The following ABI1 variants were observed in gnomAD, a reference collection of about 807,000 sequenced individuals.
ABI1 encodes the protein Abelson interactor 1.
Under a neutral mutation model 54.6 loss-of-function variants are expected in ABI1, and 14 were observed. The ratio of observed to expected loss-of-function variants is 0.26; its 90% CI spans 0.17 to 0.40. The LOEUF is 0.40. Among genes scored for constraint, ABI1 ranks in the 10% least tolerant of loss-of-function variants. The pLI is 1.00. For synonymous variants in ABI1, 194 were observed against 209.3 expected (o/e 0.93, Z 0.63); for missense variants, 443 against 598.3 (o/e 0.74, Z 2.71).
intron 2 of ABI1, among the ~76,000 whole-genome samples, chr10:26,806,432 C>A (rs1025000521): frequency 6.6e-6 from 1 of 152,136 alleles, no homozygotes; most frequent in Non-Finnish European, 1.5e-5. Context: ...TGGATGTTTA[C>A]AGGCAACCGC....
intron 3 of ABI1, 115 bp from the exon 4 acceptor site, chr10:26,771,204 C>A: frequency 1.8e-6 from 2 of 1,133,002 alleles, no homozygotes; most frequent in South Asian, 1.3e-5. Context: ...AAGCTTTTTT[C>A]CAGCCATGTT....
chr10:26,770,366 C>T (rs777363536), intron 4 of ABI1, 21 bp from the exon 5 acceptor site: 9 of 1,598,986 alleles, frequency 5.6e-6, no homozygotes, highest in Admixed American at 3.3e-5. Context: ...GAAAGAAATG[C>T]TTTTATTTTT....
intron 3 of ABI1, among the ~76,000 whole-genome samples, chr10:26,773,885 A>G (rs1292027264): frequency 1.3e-5 from 2 of 152,168 alleles, no homozygotes; most frequent in African/African-American, 4.8e-5. Context: ...ACTGTAAACT[A>G]AAACTCCAAA....
intron 2 of ABI1, among the ~76,000 whole-genome samples, chr10:26,789,944 T>C (rs1843201624): frequency 6.6e-6 from 1 of 152,236 alleles, no homozygotes; most frequent in Non-Finnish European, 1.5e-5. Context: ...TCCATGTCCC[T>C]GCAAAAGACA....
chr10:26,805,558 C>T (rs1588931228), intron 2 of ABI1, among the ~76,000 whole-genome samples: 1 of 152,170 alleles, frequency 6.6e-6, no homozygotes, highest in South Asian at 2.1e-4. Flanking sequence ...GCTTCCTTAA[C>T]CCCACAAATA....
intron 1 of ABI1, among the ~76,000 whole-genome samples, chr10:26,847,000 G>C (rs1385490604): frequency 6.7e-6 from 1 of 150,244 alleles, no homozygotes; most frequent in Non-Finnish European, 1.5e-5. Flanking sequence ...TATAGTTTGA[G>C]TTATTTGATT....
At chr10:26,795,138 T>C (rs1450384005) in intron 2 of ABI1, among the ~76,000 whole-genome samples, 2 of 134,964 alleles carry the variant, frequency 1.5e-5, no homozygotes, top group Non-Finnish European at 3.1e-5. Flanking sequence ...AGCGAGACTG[T>C]CTCAAAAAAA....
intron 1 of ABI1, among the ~76,000 whole-genome samples, chr10:26,826,397 T>C (rs1455686098): frequency 6.6e-6 from 1 of 152,208 alleles, no homozygotes; most frequent in East Asian, 1.9e-4. Context: ...AGATATGCTG[T>C]CATCCAGGCT....
intron 2 of ABI1, among the ~76,000 whole-genome samples, chr10:26,810,790 G>C (rs1325714568): frequency 6.6e-6 from 1 of 151,628 alleles, no homozygotes; most frequent in Non-Finnish European, 1.5e-5. Context: ...CTAATAGTCT[G>C]GGAGAGTTTA....
At chr10:26,771,319 A>C (rs1300237589) in intron 3 of ABI1, among the ~76,000 whole-genome samples, 1 of 152,182 alleles carries the variant, frequency 6.6e-6, no homozygotes, top group Non-Finnish European at 1.5e-5. Flanking sequence ...CCACCACTTA[A>C]TTATTCCAAT....
chr10:26,800,491 A>G (rs1027491236), intron 2 of ABI1, among the ~76,000 whole-genome samples: 1 of 152,196 alleles, frequency 6.6e-6, no homozygotes, highest in Non-Finnish European at 1.5e-5. Flanking sequence ...CAAAGTATCA[A>G]GGTCAGCCGC....
At chr10:26,846,467 T>C (rs543970921) in intron 1 of ABI1, among the ~76,000 whole-genome samples, 21 of 151,888 alleles carry the variant, frequency 1.4e-4, no homozygotes, top group African/African-American at 5.1e-4. Flanking sequence ...CTCAGCCTCC[T>C]GAGTGGCTGG....
chr10:26,754,230 GC>G (rs1837987303), intron 9 of ABI1, among the ~76,000 whole-genome samples: 1 of 152,132 alleles, frequency 6.6e-6, no homozygotes, highest in African/African-American at 2.4e-5. Flanking sequence ...GCTCACTGCA[GC>G]CTTGACGTCC....
rs770706196 is a variant in ABI1, at chr10:26,748,775, G to A, written c.1271-30C>T. Reference sequence around the variant, plus strand: ...GGAAAAAACAGTTGAAATATCACATGAGTGCACTATATCCAAAATTTACTT... The same window carrying A: ...GGAAAAAACAGTTGAAATATCACATAAGTGCACTATATCCAAAATTTACTT... On this transcript the variant is annotated intron_variant, in intron 10 of 10. Transcript: ENST00000376140. 3.3e-6 allele frequency: 5 copies of A among 1,525,090 alleles called. No individual in the cohort carries two copies. In the South Asian group the frequency reaches 3.5e-5, roughly 11 times the overall value. 94.5% of individuals were successfully genotyped at this position (1,525,090 alleles called of 1,614,324 possible).
rs1376222969 is a variant in ABI1 at position 26,761,930 on chromosome 10, G to A, written c.821-2692C>T. ...TTTGTGCTATCAATACTACTGCTACGAACATTCCTAAATATAATTCCTGAA... is the reference window on the plus strand; with the variant it reads ...TTTGTGCTATCAATACTACTGCTACAAACATTCCTAAATATAATTCCTGAA... On this transcript the variant is annotated intron_variant, in intron 7 of 10. Coordinates refer to ENST00000376140, the MANE Select transcript of ABI1 (RefSeq NM_001012750.3). 2.0e-5 allele frequency among the ~76,000 whole-genome samples: 3 copies of A among 151,766 alleles called. No homozygotes were observed. In the East Asian group the frequency reaches 5.8e-4, roughly 29 times the overall value.
chr10:26,858,331 C>T (rs1385912886), intron 1 of ABI1, among the ~76,000 whole-genome samples: 19 of 151,988 alleles, frequency 1.3e-4, no homozygotes. Flanking sequence ...CATCAACTTC[C>T]ACATCACTTT....
intron 1 of ABI1, among the ~76,000 whole-genome samples, chr10:26,843,310 G>A (rs943440874): frequency 7.3e-5 from 11 of 149,878 alleles, no homozygotes; most frequent in South Asian, 2.1e-4. Context: ...AAAATTAGCC[G>A]GGGTGTGGTG....
At chr10:26,758,371 T>C (rs1838624447) in intron 8 of ABI1, among the ~76,000 whole-genome samples, 1 of 152,180 alleles carries the variant, frequency 6.6e-6, no homozygotes, top group Non-Finnish European at 1.5e-5. Flanking sequence ...GCATTGAACA[T>C]CTTAATATGG....
intron 1 of ABI1, chr10:26,839,767 AC>A (rs1377202523): frequency 1.4e-6 from 1 of 701,984 alleles, no homozygotes; most frequent in Non-Finnish European, 2.6e-6. Flanking sequence ...ACACAGCAAC[AC>A]AGCAAAACCA....
Sources: allele counts gnomAD v4.1 joint callset (sites outside exome capture counted in the v4.1 genomes callset), GRCh38; gene constraint gnomAD v4.1.1; transcripts MANE v1.5; gene names NCBI Gene and HGNC (gene_info 2026-07-23, HGNC 2026-07-21).